TRAPPC13: variants seen among roughly 807,000 people sequenced by gnomAD.
TRAPPC13 encodes the protein REV7-interacting novel NHEJ regulator 1.
In TRAPPC13, 39 loss-of-function variants were observed where a neutral mutation model predicts 54.0. The ratio of observed to expected loss-of-function variants is 0.72; its 90% confidence interval spans 0.56 to 0.94. TRAPPC13 has a LOEUF of 0.94. TRAPPC13 is among the 40% of genes least tolerant of loss of function. The pLI is 0.00. For synonymous variants in TRAPPC13, 148 were observed against 167.7 expected (o/e 0.88, Z 0.91); for missense variants, 386 against 488.1 (o/e 0.79, Z 1.97).
chr5:65,661,447 C>T (rs1756849456), intron 10 of TRAPPC13: 1 of 152,300 alleles, frequency 6.6e-6, no homozygotes. Flanking sequence ...ATTCTCCTCC[C>T]TTTATGCTGA....
At chr5:65,626,676 C>A (rs377214483) in intron 1 of TRAPPC13, among the ~76,000 whole-genome samples, 26 of 151,980 alleles carry the variant, frequency 1.7e-4, no homozygotes, top group East Asian at 1.6e-3. Context: ...GCGGAGCTTG[C>A]AGTGATCCGA....
At chr5:65,648,944 G>A (rs1756310142) in intron 5 of TRAPPC13, among the ~76,000 whole-genome samples, 2 of 152,112 alleles carry the variant, frequency 1.3e-5, no homozygotes, top group African/African-American at 4.8e-5. Context: ...GCCGGGTGTG[G>A]TGGCTCATGC....
At chr5:65,636,279 G>A (rs1755747240) in intron 3 of TRAPPC13, among the ~76,000 whole-genome samples, 1 of 151,872 alleles carries the variant, frequency 6.6e-6, no homozygotes, top group African/African-American at 2.4e-5. Context: ...GAGTAGCTGG[G>A]ATTACAGGCG....
At position 65,660,760 on chromosome 5, in the gene TRAPPC13, T is replaced by C. The variant is rs1431564299; in HGVS notation, c.760T>C (p.Cys254Arg). The C allele has an allele frequency of 1.2e-6, 2 of 1,613,582 alleles. No homozygotes were observed. Among genetic ancestry groups the C allele is most frequent in the Non-Finnish European group, 1.7e-6 (2 of 1,179,738 alleles). ...AATGGATACACGCCAGTACTTATACTGCCTAAAGCCAAAGAATGAATTTGC... is the reference window on the plus strand; with the variant it reads ...AATGGATACACGCCAGTACTTATACCGCCTAAAGCCAAAGAATGAATTTGC... ...QPMDTRQYLY[C>R]LKPKNEFAEK... The change falls in exon 10 of 13, where the codon TGC becomes CGC. Residue 254 changes from cysteine to arginine, a missense_variant. Physicochemically the swap from Cys to Arg is radical, Grantham distance 180 (BLOSUM62 -3). Coordinates refer to ENST00000399438, the MANE Select transcript of TRAPPC13 (RefSeq NM_024941.4).
chr5:65,651,592 A>C (rs1041738659), intron 6 of TRAPPC13, among the ~76,000 whole-genome samples: 2 of 149,686 alleles, frequency 1.3e-5, no homozygotes, highest in African/African-American at 4.9e-5. Context: ...ATTAATATAC[A>C]GTTTTCAGCT....
intron 7 of TRAPPC13, 106 bp from the exon 8 acceptor site, chr5:65,655,530 T>C: frequency 3.0e-6 from 1 of 338,874 alleles, no homozygotes; most frequent in South Asian, 1.1e-4. Flanking sequence ...CTGTCTTGTT[T>C]AGTAATTTAA....
At chr5:65,640,123 T>G (rs971275745) in intron 4 of TRAPPC13, among the ~76,000 whole-genome samples, 3 of 152,254 alleles carry the variant, frequency 2.0e-5, no homozygotes, top group Admixed American at 2.0e-4. Context: ...GTTGACAAAC[T>G]ACAGCCCAAA....
intron 11 of TRAPPC13, chr5:65,663,153 A>G (rs1756903819): frequency 6.6e-6 from 1 of 151,550 alleles, no homozygotes; most frequent in Non-Finnish European, 1.5e-5. Flanking sequence ...TTTTTTTTTT[A>G]AGTTTTTTCA....
At chr5:65,625,229 T>C (rs945403621) in intron 1 of TRAPPC13, 123 bp downstream of exon 1, 21 of 855,260 alleles carry the variant, frequency 2.5e-5, no homozygotes, top group Non-Finnish European at 3.5e-5. Context: ...GCTCTGTCCT[T>C]TGCCGCCAAG....
chr5:65,644,044 A>T (rs1352031963), intron 4 of TRAPPC13, among the ~76,000 whole-genome samples: 1 of 151,962 alleles, frequency 6.6e-6, no homozygotes, highest in Non-Finnish European at 1.5e-5. Context: ...TTACATTTTT[A>T]TTTCCTTATG....
At chr5:65,626,557 G>A (rs926630080) in intron 1 of TRAPPC13, among the ~76,000 whole-genome samples, 2 of 152,114 alleles carry the variant, frequency 1.3e-5, no homozygotes, top group African/African-American at 4.8e-5. Context: ...CTAACATAGT[G>A]AAACCCCGTC....
Position 65,642,999 on chromosome 5 carries a change from A to G in TRAPPC13, c.301-4056A>G, listed in dbSNP as rs1412953498. On this transcript the variant is annotated intron_variant, in intron 4 of 12. Transcript: ENST00000399438. Reference sequence around the variant, plus strand: ...GAACATCCCAAACACCGTATCTTACATTAAGACAATATAATAAATGTGAAA... The same window carrying G: ...GAACATCCCAAACACCGTATCTTACGTTAAGACAATATAATAAATGTGAAA... Among the ~76,000 whole-genome samples, 3 of 152,228 alleles carry G rather than the reference A, an allele frequency of 2.0e-5. No individual in the cohort carries two copies. The East Asian group carries it at 5.8e-4, about 29-fold the overall frequency.
Position 65,630,250 on chromosome 5 carries a change from A to G in TRAPPC13, c.47-5051A>G, listed in dbSNP as rs1043631186. The stretch of plus-strand genomic sequence containing the variant: ...TGTTCTGTGATATTATGTATTGTGA[A>G]TATGTGGGAAGTCTTCTTAAAGGAA... On this transcript the variant is annotated intron_variant, in intron 1 of 12. Transcript: ENST00000399438. 1.6e-5 allele frequency: 24 copies of G among 1,535,666 alleles called. No individual in the cohort carries two copies. In the Admixed American group the frequency reaches 4.5e-4, roughly 29 times the overall value.
intron 1 of TRAPPC13, chr5:65,629,610 A>G (rs1581205643): frequency 3.3e-6 from 5 of 1,534,106 alleles, no homozygotes; most frequent in Non-Finnish European, 3.5e-6. Context: ...GTAATATTAC[A>G]TTATCGACCA....
At chr5:65,652,585 T>A in intron 7 of TRAPPC13, 40 bp downstream of exon 7, 1 of 1,417,572 alleles carries the variant, frequency 7.1e-7, no homozygotes, top group Non-Finnish European at 1.0e-6. Context: ...TATTAAACAT[T>A]AAGATCGTAT....
rs1302629832 is a variant in TRAPPC13, at chr5:65,665,221, G to T, written c.*610G>T. On this transcript the variant is annotated 3_prime_UTR_variant, in exon 13 of 13. Transcript: ENST00000399438. ...AAAAAGAGGCAGCTGGGCAGATTTG[G>T]CCTGCAGGGTATAGTTGGCTGACCT... 3 of 152,294 alleles carry T rather than the reference G, an allele frequency of 2.0e-5. No individual in the cohort carries two copies. The highest frequency in any genetic ancestry group is 4.8e-5 in the African/African-American group (2 of 41,438). 9.4% of individuals were successfully genotyped at this position (152,294 alleles called of 1,614,324 possible).
chr5:65,627,983 C>T (rs926098175), intron 1 of TRAPPC13, among the ~76,000 whole-genome samples: 6 of 152,142 alleles, frequency 3.9e-5, no homozygotes, highest in Non-Finnish European at 7.3e-5. Context: ...GGAGAACCCT[C>T]ATCAAGTAAT....
chr5:65,647,025 CT>C (rs369270319), intron 4 of TRAPPC13, 29 bp from the exon 5 acceptor site: 209,821 of 1,257,136 alleles, frequency 0.17, no homozygotes, highest in East Asian at 0.21. Flanking sequence ...CTCATTTGGA[CT>C]TTTTTTTTTT....
chr5:65,647,794 AAT>A (rs1193769026), intron 5 of TRAPPC13, among the ~76,000 whole-genome samples: 1 of 152,002 alleles, frequency 6.6e-6, no homozygotes, highest in African/African-American at 2.4e-5. Context: ...AATTCTCCTG[AAT>A]ATCTTTCATT....
Sources: gnomAD v4.1 joint callset for allele counts (sites outside exome capture counted in the v4.1 genomes callset) on GRCh38, gnomAD v4.1.1 for gene constraint, MANE v1.5 for transcripts, NCBI Gene and HGNC (gene_info 2026-07-23, HGNC 2026-07-21) for gene names.